The following GALNT8 variants were observed in gnomAD, a reference collection of about 807,000 sequenced individuals.
GALNT8 encodes polypeptide N-acetylgalactosaminyltransferase 8, also known as probable polypeptide N-acetylgalactosaminyltransferase 8.
In GALNT8, 66 loss-of-function variants were observed where a neutral mutation model predicts 62.7. The observed-to-expected ratio is 1.05, with a 90% confidence interval of 0.86 to 1.29. The LOEUF (loss-of-function observed/expected upper bound fraction) is 1.29, where lower values mean the gene tolerates loss of function less well. Among genes scored for constraint, GALNT8 ranks in the 50% most tolerant of loss-of-function variants. GALNT8 has a pLI of 0.00. For missense variants in GALNT8, 771 were observed against 791.8 expected (o/e 0.97, Z 0.32); for synonymous variants, 288 against 294.3 (o/e 0.98, Z 0.22).
chr12:4,725,834 G>A (rs1041115400), intron 1 of GALNT8, among the ~76,000 whole-genome samples: 1 of 152,258 alleles, frequency 6.6e-6, no homozygotes, highest in Non-Finnish European at 1.5e-5. Context: ...GATTACAGGC[G>A]TGAGCCACCA....
intron 6 of GALNT8, among the ~76,000 whole-genome samples, chr12:4,746,689 G>A (rs1256907820): frequency 6.6e-6 from 1 of 152,184 alleles, no homozygotes; most frequent in African/African-American, 2.4e-5. Flanking sequence ...AGCAGCTGAC[G>A]TGATAGCCTG....
chr12:4,743,147 A>G (rs957933479), intron 3 of GALNT8, among the ~76,000 whole-genome samples: 1 of 152,314 alleles, frequency 6.6e-6, no homozygotes, highest in Admixed American at 6.5e-5. Flanking sequence ...CACCATGCCC[A>G]CTATGGTACT....
chr12:4,728,338 C>T (rs547450962), intron 2 of GALNT8, among the ~76,000 whole-genome samples: 4 of 149,208 alleles, frequency 2.7e-5, no homozygotes, highest in East Asian at 4.0e-4. Context: ...TCTTGATGGT[C>T]GTCTTTGAAA....
intron 7 of GALNT8, among the ~76,000 whole-genome samples, chr12:4,761,829 A>G (rs1946374488): frequency 6.6e-6 from 1 of 152,042 alleles, no homozygotes; most frequent in African/African-American, 2.4e-5. Flanking sequence ...GAGCATGTGG[A>G]GCTGTGTTGG....
chr12:4,726,216 T>A lies in GALNT8; in HGVS notation c.212-316T>A, dbSNP rs1946194728. On this transcript the variant is annotated intron_variant, in intron 1 of 10. Coordinates refer to ENST00000252318, the MANE Select transcript of GALNT8 (RefSeq NM_017417.2). This position sits in a 1 kb window ranked among gnomAD's most constrained non-coding sequence, Gnocchi z 4.1. ...TTCTGATGTAAGTGGTTCTCAGGCC[T>A]CATTCTGAAAAACATTAGCTTATTT... Among the ~76,000 whole-genome samples the A allele has an allele frequency of 6.6e-6, 1 of 152,156 alleles. No individual in the cohort carries two copies. Among genetic ancestry groups the A allele is most frequent in the Non-Finnish European group, 1.5e-5 (1 of 68,028 alleles).
At chr12:4,733,079 T>C (rs2137522442) in intron 2 of GALNT8, among the ~76,000 whole-genome samples, 1 of 152,356 alleles carries the variant, frequency 6.6e-6, no homozygotes, top group African/African-American at 2.4e-5. Context: ...ACTTTTTCAG[T>C]ATCTTCTGCT....
At chr12:4,752,803 A>G (rs1289753948) in intron 6 of GALNT8, among the ~76,000 whole-genome samples, 1 of 152,174 alleles carries the variant, frequency 6.6e-6, no homozygotes, top group Non-Finnish European at 1.5e-5. Flanking sequence ...GGGCTCATTA[A>G]CATCCTTTTC....
At chr12:4,770,313 A>C (rs35395098) in intron 10 of GALNT8, among the ~76,000 whole-genome samples, 1,679 of 152,034 alleles carry the variant, frequency 0.011, 21 homozygotes, top group Middle Eastern at 0.027. Context: ...AAAGAAAAAA[A>C]AAAAAACAAA....
intron 2 of GALNT8, among the ~76,000 whole-genome samples, chr12:4,737,191 C>T (rs1382709385): frequency 6.6e-6 from 1 of 152,172 alleles, no homozygotes; most frequent in Non-Finnish European, 1.5e-5. Context: ...CTCTTCTCAG[C>T]TCTTTTAGAG....
intron 2 of GALNT8, among the ~76,000 whole-genome samples, chr12:4,731,038 C>T (rs907274111): frequency 9.9e-5 from 15 of 151,748 alleles, no homozygotes; most frequent in African/African-American, 3.4e-4. Flanking sequence ...TTAGTAGAGA[C>T]GGGGTTTCAC....
At chr12:4,743,193 G>C (rs1946279784) in intron 3 of GALNT8, among the ~76,000 whole-genome samples, 1 of 152,148 alleles carries the variant, frequency 6.6e-6, no homozygotes, top group Non-Finnish European at 1.5e-5. Flanking sequence ...CATCCAATGG[G>C]AAGTGACACA....
In GALNT8 at chr12:4,763,487, C is replaced by G. The variant is rs1946382330; in HGVS notation, c.1497+97C>G. 4.2e-6 allele frequency: 4 copies of G among 959,340 alleles called. No homozygotes were observed. The Admixed American group carries it at 7.9e-5, about 19-fold the overall frequency. 59.4% of individuals were successfully genotyped at this position (959,340 alleles called of 1,614,324 possible). A position where few individuals can be genotyped will look rare whatever the true frequency, so the allele number is the denominator to read the frequency against. ...GATTGCCTGTCCTGCCCAAGACGCC[C>G]TTCCTACCTCAGCTTTCTACTCAGC... is the stretch of plus-strand genomic sequence containing the variant. On this transcript the variant is annotated intron_variant, in intron 8 of 10. Coordinates refer to ENST00000252318, the MANE Select transcript of GALNT8 (RefSeq NM_017417.2).
At chr12:4,758,314 C>G (rs920883913) in intron 6 of GALNT8, among the ~76,000 whole-genome samples, 1 of 151,890 alleles carries the variant, frequency 6.6e-6, no homozygotes, top group African/African-American at 2.4e-5. Flanking sequence ...AGGGATGGTG[C>G]TCATCAATGT....
chr12:4,720,691 G>A lies in GALNT8; in HGVS notation c.14G>A (p.Arg5Lys), dbSNP rs1946162205. ...CCCAGGAAGAAGATGATGTTTTGGAGGAAACTCCCCAAAGCCCTCTTCATT... is the reference window on the plus strand; with the variant it reads ...CCCAGGAAGAAGATGATGTTTTGGAAGAAACTCCCCAAAGCCCTCTTCATT... MMFW[R>K]KLPKALFIGL... The change falls in exon 1 of 11, where the codon AGG (arginine) becomes AAG (lysine). Residue 5 changes from arginine to lysine, a missense_variant. Physicochemically the swap from Arg to Lys is conservative, Grantham distance 26 (BLOSUM62 2). Transcript: ENST00000252318. 5 of 1,611,070 alleles carry A rather than the reference G, an allele frequency of 3.1e-6. No homozygotes were observed. Among genetic ancestry groups the A allele is most frequent in the Non-Finnish European group, 4.2e-6 (5 of 1,177,340 alleles).
At chr12:4,721,715 C>A (rs1442131985) in intron 1 of GALNT8, among the ~76,000 whole-genome samples, 1 of 152,028 alleles carries the variant, frequency 6.6e-6, no homozygotes, top group Non-Finnish European at 1.5e-5. Flanking sequence ...AGATGCCTTC[C>A]TCTTGTCTCA....
At chr12:4,768,396 A>T (rs1467775766) in intron 10 of GALNT8, 1 of 378,524 alleles carries the variant, frequency 2.6e-6, no homozygotes, top group African/African-American at 2.1e-5. Context: ...TTTTATTCTC[A>T]TTTTTTCATA....
chr12:4,739,546 A>G (rs537244909), intron 3 of GALNT8, among the ~76,000 whole-genome samples: 1 of 152,340 alleles, frequency 6.6e-6, no homozygotes, highest in South Asian at 2.1e-4. Context: ...GGAAACTGAG[A>G]CACAAAGAGA....
intron 10 of GALNT8, chr12:4,768,398 T>C (rs1354076345): frequency 2.6e-6 from 1 of 379,468 alleles, no homozygotes; most frequent in Non-Finnish European, 5.1e-6. Context: ...TTATTCTCAT[T>C]TTTTCATATC....
chr12:4,765,646 T>C (rs1467880382), intron 10 of GALNT8, 100 bp downstream of exon 10: 1 of 821,934 alleles, frequency 1.2e-6, no homozygotes, highest in Non-Finnish European at 1.9e-6. Context: ...CAGTGGCTTC[T>C]CAGCTGACTG....
Sources: gnomAD v4.1 joint callset for allele counts (sites outside exome capture counted in the v4.1 genomes callset) on GRCh38, gnomAD v4.1.1 for gene constraint, Gnocchi (gnomAD v3.1) non-coding constraint, MANE v1.5 for transcripts, NCBI Gene and HGNC (gene_info 2026-07-23, HGNC 2026-07-21) for gene names.